SPOCK3: variants seen among roughly 807,000 people sequenced by gnomAD.
The protein encoded by SPOCK3 is SPARC (osteonectin), cwcv and kazal like domains proteoglycan 3, also known as testican-3.
In SPOCK3, 30 loss-of-function variants were observed where a neutral mutation model predicts 56.6. The ratio of observed to expected loss-of-function variants is 0.53; its 90% confidence interval spans 0.40 to 0.72. The LOEUF is 0.72. Among genes scored for constraint, SPOCK3 ranks in the 30% least tolerant of loss-of-function variants. The pLI is 0.00. For synonymous variants in SPOCK3, 196 were observed against 183.3 expected (o/e 1.07, Z -0.56); for missense variants, 527 against 530.0 (o/e 0.99, Z 0.06).
At chr4:167,100,424 C>A (rs1351951428) in intron 2 of SPOCK3, among the ~76,000 whole-genome samples, 1 of 151,220 alleles carries the variant, frequency 6.6e-6, no homozygotes, top group African/African-American at 2.4e-5. Flanking sequence ...TCTCTCTCTT[C>A]TCTCTTTCTT....
chr4:166,957,355 T>C (rs1161620118), intron 4 of SPOCK3, among the ~76,000 whole-genome samples: 1 of 152,248 alleles, frequency 6.6e-6, no homozygotes, highest in East Asian at 1.9e-4. Context: ...CCTGAACTCA[T>C]GCATTATTTT....
chr4:166,796,075 C>T (rs1451555829), intron 6 of SPOCK3, among the ~76,000 whole-genome samples: 4 of 152,144 alleles, frequency 2.6e-5, no homozygotes, highest in Non-Finnish European at 5.9e-5. Context: ...ATCTATGAAC[C>T]GGGACCTGGG....
At chr4:167,161,405 G>T (rs1170480020) in intron 2 of SPOCK3, among the ~76,000 whole-genome samples, 1 of 152,162 alleles carries the variant, frequency 6.6e-6, no homozygotes, top group African/African-American at 2.4e-5. Context: ...TGCTGGAGAG[G>T]ATGTGGAGAA....
At chr4:166,994,857 T>C (rs1253693633) in intron 4 of SPOCK3, among the ~76,000 whole-genome samples, 1 of 152,046 alleles carries the variant, frequency 6.6e-6, no homozygotes, top group Non-Finnish European at 1.5e-5. Context: ...ATAGAATAAC[T>C]GGAGAACCTA....
chr4:167,099,175 A>T (rs1433739164), intron 2 of SPOCK3, among the ~76,000 whole-genome samples: 1 of 151,910 alleles, frequency 6.6e-6, no homozygotes. Flanking sequence ...TATAGTTAAT[A>T]TATACAATTA....
intron 3 of SPOCK3, among the ~76,000 whole-genome samples, chr4:167,044,521 T>C (rs558903370): frequency 1.2e-3 from 180 of 152,210 alleles, no homozygotes; most frequent in Non-Finnish European, 2.1e-3. Context: ...ATTTTAGATC[T>C]TTCTTATTTT....
At chr4:167,136,757 A>G (rs1471333561) in intron 2 of SPOCK3, among the ~76,000 whole-genome samples, 1 of 152,120 alleles carries the variant, frequency 6.6e-6, no homozygotes, top group African/African-American at 2.4e-5. Flanking sequence ...AAATTTTCAA[A>G]TGCTGAGGGA....
At chr4:166,746,371 C>T (rs982737439) in intron 8 of SPOCK3, among the ~76,000 whole-genome samples, 1 of 152,200 alleles carries the variant, frequency 6.6e-6, no homozygotes, top group African/African-American at 2.4e-5. Context: ...GGAAACTGAA[C>T]AACCTGCTCC....
chr4:166,854,026 G>A (rs1279329235), intron 6 of SPOCK3, among the ~76,000 whole-genome samples: 1 of 152,122 alleles, frequency 6.6e-6, no homozygotes, highest in African/African-American at 2.4e-5. Flanking sequence ...TGAAATTTCT[G>A]ATATTCTATG....
At chr4:166,898,213 A>C (rs767018832) in intron 5 of SPOCK3, among the ~76,000 whole-genome samples, 1 of 152,024 alleles carries the variant, frequency 6.6e-6, no homozygotes, top group East Asian at 1.9e-4. Flanking sequence ...AAGAAAAAAA[A>C]ATATTTTTCA....
chr4:167,210,216 T>C (rs1734739648), intron 2 of SPOCK3, among the ~76,000 whole-genome samples: 1 of 152,138 alleles, frequency 6.6e-6, no homozygotes, highest in African/African-American at 2.4e-5. Flanking sequence ...TCTATAACTT[T>C]GCATGTGTAG....
intron 3 of SPOCK3, among the ~76,000 whole-genome samples, chr4:167,026,516 T>C (rs1485371714): frequency 6.6e-6 from 1 of 152,046 alleles, no homozygotes; most frequent in African/African-American, 2.4e-5. Flanking sequence ...AATAAAATCA[T>C]CTGGCTTAAG....
chr4:167,138,039 G>C (rs1763259508), intron 2 of SPOCK3, among the ~76,000 whole-genome samples: 2 of 151,414 alleles, frequency 1.3e-5, no homozygotes, highest in South Asian at 4.2e-4. Flanking sequence ...TGTTGGTTTT[G>C]ACTCTAATAG....
intron 7 of SPOCK3, among the ~76,000 whole-genome samples, chr4:166,769,408 C>A (rs143626752): frequency 0.043 from 6,535 of 152,250 alleles, 199 homozygotes; most frequent in Non-Finnish European, 0.055. Flanking sequence ...TTCTAACAGT[C>A]AGAACCCTCA....
At chr4:166,903,010 G>A (rs1282701322) in intron 5 of SPOCK3, among the ~76,000 whole-genome samples, 1 of 149,858 alleles carries the variant, frequency 6.7e-6, no homozygotes, top group African/African-American at 2.4e-5. Context: ...TGTTGGCATT[G>A]TTCACTCTTG....
At chr4:166,805,094 TG>T (rs1743020269) in intron 6 of SPOCK3, among the ~76,000 whole-genome samples, 2 of 152,100 alleles carry the variant, frequency 1.3e-5, no homozygotes, top group African/African-American at 4.8e-5. Flanking sequence ...TCTATGGATA[TG>T]TGTGTGTAAT....
chr4:166,894,456 A>G (rs956835401), intron 5 of SPOCK3, among the ~76,000 whole-genome samples: 3 of 152,116 alleles, frequency 2.0e-5, no homozygotes, highest in African/African-American at 7.2e-5. Flanking sequence ...TAAAGTTCTT[A>G]ATTCAAGCAG....
At chr4:167,131,510 G>A (rs1391303321) in intron 2 of SPOCK3, among the ~76,000 whole-genome samples, 2 of 152,126 alleles carry the variant, frequency 1.3e-5, no homozygotes, top group African/African-American at 2.4e-5. Flanking sequence ...GGCTGAGGCA[G>A]GAGAATCACT....
intron 3 of SPOCK3, among the ~76,000 whole-genome samples, chr4:167,035,647 G>A (rs1045630987): frequency 6.6e-6 from 1 of 152,148 alleles, no homozygotes; most frequent in East Asian, 1.9e-4. Context: ...AATTTTCACA[G>A]TTCTGGTAAT....
Sources: gnomAD v4.1 joint callset for allele counts (sites outside exome capture counted in the v4.1 genomes callset) on GRCh38, gnomAD v4.1.1 for gene constraint, MANE v1.5 for transcripts, NCBI Gene and HGNC (gene_info 2026-07-23, HGNC 2026-07-21) for gene names.